The following TBL1XR1 variants were observed in gnomAD, a reference collection of about 807,000 sequenced individuals.
TBL1XR1 encodes the protein TBL1X/Y related 1, also known as F-box-like/WD repeat-containing protein TBL1XR1.
TBL1XR1 carries 5 observed loss-of-function variants against 66.9 expected under a neutral mutation model. That is an observed-to-expected ratio of 0.07 (90% CI 0.04 to 0.16). The LOEUF is 0.16. Ranked by LOEUF, TBL1XR1 falls within the 10% of genes least tolerant of loss-of-function variation. TBL1XR1 has a pLI of 1.00. For synonymous variants in TBL1XR1, 210 were observed against 206.0 expected (o/e 1.02, Z -0.17); for missense variants, 238 against 623.2 (o/e 0.38, Z 6.58).
chr3:177,090,517 T>TTA (rs1553837512), intron 2 of TBL1XR1, among the ~76,000 whole-genome samples: 1 of 102,466 alleles, frequency 9.8e-6, no homozygotes, highest in South Asian at 3.3e-4. Context: ...CTGTCTCTAC[T>TTA]AAAAAAAAAA....
intron 3 of TBL1XR1, among the ~76,000 whole-genome samples, chr3:177,057,426 G>T (rs1346944803): frequency 6.6e-6 from 1 of 152,054 alleles, no homozygotes; most frequent in Non-Finnish European, 1.5e-5. Flanking sequence ...TTAATTCTGG[G>T]AAACTAGCAC....
intron 1 of TBL1XR1, among the ~76,000 whole-genome samples, chr3:177,181,029 T>C (rs983977967): frequency 2.6e-5 from 4 of 152,030 alleles, no homozygotes; most frequent in East Asian, 3.9e-4. Context: ...CCCATGGCAC[T>C]GGACCCCAGA....
At chr3:177,083,555 T>C (rs1341214811) in intron 2 of TBL1XR1, among the ~76,000 whole-genome samples, 1 of 152,214 alleles carries the variant, frequency 6.6e-6, no homozygotes, top group East Asian at 1.9e-4. Context: ...GAATCTGACT[T>C]CGAGAAATAT....
At chr3:177,118,968 T>G (rs748044848) in intron 1 of TBL1XR1, among the ~76,000 whole-genome samples, 13 of 151,760 alleles carry the variant, frequency 8.6e-5, no homozygotes, top group Non-Finnish European at 1.3e-4. Flanking sequence ...GATAATCAGG[T>G]TTTTTTTGTT....
At chr3:177,131,668 A>C (rs1728309753) in intron 1 of TBL1XR1, among the ~76,000 whole-genome samples, 1 of 151,878 alleles carries the variant, frequency 6.6e-6, no homozygotes, top group South Asian at 2.1e-4. Flanking sequence ...TGCCCGGCTA[A>C]TTTTTGTATT....
At position 177,130,006 on chromosome 3, in the gene TBL1XR1, G is replaced by A. The variant is rs147658751; in HGVS notation, c.-121-31465C>T. ...CTAAAAATACAACAATTAGCTGGGC[G>A]TAGTGGCGTGCGCCTGTAGTCCAAG... is the stretch of plus-strand genomic sequence containing the variant. On this transcript the variant is annotated intron_variant, in intron 1 of 15. Coordinates refer to ENST00000457928, the MANE Select transcript of TBL1XR1 (RefSeq NM_024665.7). 2.0e-3 allele frequency among the ~76,000 whole-genome samples: 297 copies of A among 152,168 alleles called. 1 individual carries two copies. Among genetic ancestry groups the A allele is most frequent in the African/African-American group, 6.7e-3 (278 of 41,526 alleles).
chr3:177,118,034 T>G (rs1392175927), intron 1 of TBL1XR1, among the ~76,000 whole-genome samples: 1 of 152,230 alleles, frequency 6.6e-6, no homozygotes, highest in Non-Finnish European at 1.5e-5. Context: ...AAATCTTTTA[T>G]AGGTAGTATA....
chr3:177,142,031 T>C (rs1387706182), intron 1 of TBL1XR1, among the ~76,000 whole-genome samples: 1 of 152,214 alleles, frequency 6.6e-6, no homozygotes, highest in African/African-American at 2.4e-5. Flanking sequence ...AGAATAGTGA[T>C]TGCCAGTGGC....
chr3:177,114,979 T>C (rs957784627), intron 1 of TBL1XR1, among the ~76,000 whole-genome samples: 4 of 150,644 alleles, frequency 2.7e-5, no homozygotes, highest in Non-Finnish European at 4.4e-5. Context: ...ACCTTGTCAC[T>C]TTGGGGAAAA....
At chr3:177,063,281 C>T (rs1200843640) in intron 3 of TBL1XR1, among the ~76,000 whole-genome samples, 3 of 152,132 alleles carry the variant, frequency 2.0e-5, no homozygotes, top group Non-Finnish European at 2.9e-5. Flanking sequence ...AATATTACTG[C>T]TCTCATTAAC....
intron 1 of TBL1XR1, among the ~76,000 whole-genome samples, chr3:177,188,313 C>T (rs932584127): frequency 6.6e-6 from 1 of 152,128 alleles, no homozygotes; most frequent in Admixed American, 6.5e-5. Flanking sequence ...CTTTGGGAGG[C>T]CAAGGTGGGC....
At chr3:177,126,668 C>T (rs1727667837) in intron 1 of TBL1XR1, among the ~76,000 whole-genome samples, 1 of 152,192 alleles carries the variant, frequency 6.6e-6, no homozygotes, top group Non-Finnish European at 1.5e-5. Flanking sequence ...TTCTCACCTA[C>T]TAAACTAAGT....
chr3:177,130,370 AAACAAC>A (rs747069093), intron 1 of TBL1XR1, among the ~76,000 whole-genome samples: 66 of 152,258 alleles, frequency 4.3e-4, no homozygotes, highest in Non-Finnish European at 9.3e-4. Context: ...ATTCAGTCAA[AAACAAC>A]AACAACAACA....
intron 4 of TBL1XR1, 33 bp downstream of exon 4, chr3:177,053,740 A>G: frequency 6.3e-7 from 1 of 1,593,918 alleles, no homozygotes; most frequent in Non-Finnish European, 8.6e-7. Flanking sequence ...TTTAAGATGA[A>G]AAAAATCAGT....
intron 1 of TBL1XR1, among the ~76,000 whole-genome samples, chr3:177,190,737 A>C (rs964868593): frequency 1.3e-5 from 2 of 152,224 alleles, no homozygotes; most frequent in Non-Finnish European, 1.5e-5. Flanking sequence ...TTTAAGGTCT[A>C]ACTCAAAAAG....
intron 2 of TBL1XR1, among the ~76,000 whole-genome samples, chr3:177,078,467 C>T (rs755368981): frequency 1.3e-5 from 2 of 151,582 alleles, no homozygotes; most frequent in Admixed American, 1.3e-4. Flanking sequence ...AACCTGTAGT[C>T]CCAGCTACTT....
intron 1 of TBL1XR1, among the ~76,000 whole-genome samples, chr3:177,109,975 A>G (rs929614255): frequency 1.3e-5 from 2 of 152,196 alleles, no homozygotes; most frequent in African/African-American, 4.8e-5. Flanking sequence ...AGGCATACCT[A>G]GAACACTTCC....
chr3:177,097,479 A>G (rs769829354), intron 2 of TBL1XR1, among the ~76,000 whole-genome samples: 5 of 152,210 alleles, frequency 3.3e-5, no homozygotes, highest in Non-Finnish European at 4.4e-5. Flanking sequence ...CCTAAGTTTT[A>G]TAAGAGTACT....
intron 1 of TBL1XR1, among the ~76,000 whole-genome samples, chr3:177,145,604 G>A (rs1396950019): frequency 6.6e-6 from 1 of 152,148 alleles, no homozygotes; most frequent in Non-Finnish European, 1.5e-5. Flanking sequence ...CCCTTACTAA[G>A]GTAACCATGT....
Sources: gnomAD v4.1 joint callset for allele counts (sites outside exome capture counted in the v4.1 genomes callset) on GRCh38, gnomAD v4.1.1 for gene constraint, MANE v1.5 for transcripts, NCBI Gene and HGNC (gene_info 2026-07-23, HGNC 2026-07-21) for gene names.